Variants in ENPP2 observed in about 807,000 individuals in gnomAD.
ENPP2 encodes autotaxin.
ENPP2 carries 51 observed loss-of-function variants against 120.2 expected under a neutral mutation model. That is an observed-to-expected ratio of 0.42 (90% CI 0.34 to 0.54). The LOEUF is 0.54. Among genes scored for constraint, ENPP2 ranks in the 20% least tolerant of loss-of-function variants. ENPP2 has a pLI of 0.04. For missense variants in ENPP2, 920 were observed against 1,066.5 expected (o/e 0.86, Z 1.91); for synonymous variants, 365 against 366.4 (o/e 1.00, Z 0.04).
intron 1 of ENPP2, among the ~76,000 whole-genome samples, chr8:119,646,226 C>T (rs1817463475): frequency 6.6e-6 from 1 of 152,132 alleles, no homozygotes; most frequent in South Asian, 2.1e-4. Context: ...ACCTCGGCCT[C>T]CCAAAGTTCT....
chr8:119,653,483 G>A (rs1236676097), intron 1 of ENPP2, among the ~76,000 whole-genome samples: 4 of 152,158 alleles, frequency 2.6e-5, no homozygotes, highest in African/African-American at 7.2e-5. Flanking sequence ...ACAGAGACCC[G>A]GATGACATGA....
intron 6 of ENPP2, 40 bp downstream of exon 6, chr8:119,617,426 T>C (rs764216820): frequency 2.8e-6 from 4 of 1,409,010 alleles, no homozygotes; most frequent in Non-Finnish European, 4.0e-6. Context: ...GTGGAGATCC[T>C]AGATTACAGA....
intron 13 of ENPP2, 94 bp from the exon 14 acceptor site, chr8:119,587,169 C>T (rs1199976803): frequency 2.0e-6 from 2 of 997,192 alleles, no homozygotes. Context: ...TTTCTCCTTC[C>T]ATCCCACAGA....
intron 1 of ENPP2, among the ~76,000 whole-genome samples, chr8:119,663,854 C>A (rs998294623): frequency 6.6e-6 from 1 of 152,114 alleles, no homozygotes; most frequent in Non-Finnish European, 1.5e-5. Context: ...GTCCCTCATG[C>A]CACTATGTTG....
intron 2 of ENPP2, among the ~76,000 whole-genome samples, chr8:119,632,171 A>G (rs1816727424): frequency 1.3e-5 from 2 of 152,234 alleles, no homozygotes; most frequent in South Asian, 4.1e-4. Context: ...AATCAAGAGA[A>G]CATTGATGTA....
chr8:119,618,342 T>C, intron 5 of ENPP2: 1 of 474,870 alleles, frequency 2.1e-6, no homozygotes, highest in South Asian at 1.5e-5. Flanking sequence ...GAGAATCCAA[T>C]GGCCTGATCT....
At chr8:119,604,298 G>A (rs10110878) in intron 9 of ENPP2, among the ~76,000 whole-genome samples, 77,120 of 151,626 alleles carry the variant, frequency 0.51, 19,899 homozygotes, top group South Asian at 0.7. Context: ...AAAGTGCTGG[G>A]ATTACAGGCA....
intron 12 of ENPP2, among the ~76,000 whole-genome samples, chr8:119,590,995 TAA>T (rs58061193): frequency 1.4e-3 from 157 of 109,946 alleles, no homozygotes; most frequent in African/African-American, 5.1e-3. Flanking sequence ...ATCTATTCTT[TAA>T]AAAAAAAAAA....
chr8:119,579,239 T>G (rs1232925184), intron 19 of ENPP2, among the ~76,000 whole-genome samples: 2 of 152,238 alleles, frequency 1.3e-5, no homozygotes, highest in African/African-American at 4.8e-5. Flanking sequence ...CATTATTTAC[T>G]GCCTCCACCC....
At chr8:119,619,170 CT>C (rs1326061399) in intron 5 of ENPP2, 73 bp downstream of exon 5, 75 of 1,093,806 alleles carry the variant, frequency 6.9e-5, no homozygotes, top group Non-Finnish European at 9.9e-5. Context: ...TTTCTAAATA[CT>C]TCTCTTTTCA....
intron 6 of ENPP2, 42 bp from the exon 7 acceptor site, chr8:119,617,285 G>A (rs770546681): frequency 1.4e-5 from 21 of 1,480,208 alleles, no homozygotes; most frequent in Non-Finnish European, 2.0e-5. Flanking sequence ...AGAACCAACA[G>A]GAATTGCTTA....
intron 3 of ENPP2, among the ~76,000 whole-genome samples, chr8:119,621,861 G>A (rs140360836): frequency 2.9e-4 from 44 of 152,300 alleles, no homozygotes; most frequent in Non-Finnish European, 5.6e-4. Context: ...ATCTACTGTT[G>A]TAGGGACAGC....
chr8:119,582,494 G>T lies in ENPP2; in HGVS notation c.1652C>A (p.Pro551His). 9.9e-6 allele frequency: 16 copies of T among 1,613,998 alleles called. No individual in the cohort carries two copies. Among genetic ancestry groups the T allele is most frequent in the Non-Finnish European group, 1.4e-5 (16 of 1,179,922 alleles). Residue 551 changes from proline (P) to histidine (H), a missense_variant, in exon 18 of 25, where the codon CCC (proline) becomes CAC (histidine). Pro to His is a moderately conservative substitution (Grantham distance 77). Coordinates refer to ENST00000075322, the MANE Select transcript of ENPP2 (RefSeq NM_001040092.3). ...RPTMPEEVTR[P>H]NYPGIMYLQS... is the part of the protein sequence containing the mutation. The stretch of plus-strand genomic sequence containing the variant: ...AAGGTACATAATCCCTGGATAATTG[G>T]GTCTGGTAACTTCCTCTGGCATGGT...
chr8:119,623,997 TC>T (rs1275666470), intron 3 of ENPP2, among the ~76,000 whole-genome samples: 1 of 152,192 alleles, frequency 6.6e-6, no homozygotes, highest in Non-Finnish European at 1.5e-5. Flanking sequence ...GAATTGCTTT[TC>T]CCATGACCTG....
At chr8:119,629,772 G>C (rs996405419) in intron 2 of ENPP2, among the ~76,000 whole-genome samples, 2 of 152,016 alleles carry the variant, frequency 1.3e-5, no homozygotes, top group African/African-American at 4.8e-5. Flanking sequence ...CATGGAGGCA[G>C]GAGGGGTTGA....
chr8:119,659,334 A>AAAAAAAAAAAAAAAC lies in ENPP2; in HGVS notation c.21+13917_21+13918insGTTTTTTTTTTTTTT, dbSNP rs58435393. On this transcript the variant is annotated intron_variant, in intron 1 of 25. Transcript: ENST00000427067. ...TCTGTCTCAATTAAAAAAAAAAAAA[A>AAAAAAAAAAAAAAAC]AAACCAGAGTTCTTAAGAATTTTCT... 7.7e-4 allele frequency among the ~76,000 whole-genome samples: 101 copies of AAAAAAAAAAAAAAAC among 130,772 alleles called. 3 individuals are homozygous for AAAAAAAAAAAAAAAC. The highest frequency in any genetic ancestry group is 1.7e-3 in the African/African-American group (62 of 36,836). 85.8% of individuals were successfully genotyped at this position (130,772 alleles called of 152,430 possible).
chr8:119,640,015 G>T (rs571377899), upstream of ENPP2, among the ~76,000 whole-genome samples: 1 of 152,268 alleles, frequency 6.6e-6, no homozygotes, highest in East Asian at 1.9e-4. Context: ...GACTTACCAT[G>T]CAACAAATTA....
chr8:119,658,952 T>A (rs2130891048), intron 1 of ENPP2, among the ~76,000 whole-genome samples: 1 of 152,288 alleles, frequency 6.6e-6, no homozygotes, highest in Middle Eastern at 3.4e-3. Flanking sequence ...TGCAGCTTTA[T>A]TCTCTGTCAG....
intron 9 of ENPP2, among the ~76,000 whole-genome samples, chr8:119,603,449 C>T (rs765799914): frequency 3.3e-5 from 5 of 152,068 alleles, no homozygotes; most frequent in Admixed American, 6.6e-5. Context: ...CAATGGTAGA[C>T]GGGGAATTAA....
Sources: allele counts gnomAD v4.1 joint callset (sites outside exome capture counted in the v4.1 genomes callset), GRCh38; gene constraint gnomAD v4.1.1; transcripts MANE v1.5; gene names NCBI Gene and HGNC (gene_info 2026-07-23, HGNC 2026-07-21).